The following STPG1 variants were observed in gnomAD, a reference collection of about 807,000 sequenced individuals.
STPG1 encodes the protein O(6)-methylguanine-induced apoptosis 2.
STPG1 carries 33 observed loss-of-function variants against 40.1 expected under a neutral mutation model. The ratio of observed to expected loss-of-function variants is 0.82; its 90% CI spans 0.62 to 1.10. The LOEUF (loss-of-function observed/expected upper bound fraction) is 1.10. STPG1 is among the 50% of genes least tolerant of loss of function. The pLI is 0.00. For missense variants in STPG1, 396 were observed against 415.1 expected (o/e 0.95, Z 0.40); for synonymous variants, 150 against 155.0 (o/e 0.97, Z 0.24).
At chr1:24,395,426 C>T (rs6658373) in intron 2 of STPG1, among the ~76,000 whole-genome samples, 6,684 of 135,354 alleles carry the variant, frequency 0.049, 503 homozygotes, top group African/African-American at 0.17. Context: ...ATAAATTGAA[C>T]AATTTTTTTT....
intron 2 of STPG1, among the ~76,000 whole-genome samples, chr1:24,397,329 G>A (rs1275490407): frequency 6.6e-6 from 1 of 152,094 alleles, no homozygotes; most frequent in Non-Finnish European, 1.5e-5. Context: ...TACCTAACCT[G>A]ACCTAATTGG....
intron 6 of STPG1, among the ~76,000 whole-genome samples, chr1:24,372,645 C>A (rs1641807637): frequency 6.6e-6 from 1 of 152,236 alleles, no homozygotes; most frequent in South Asian, 2.1e-4. Flanking sequence ...TGAACTGGGG[C>A]TGAGCCTCCT....
At position 24,357,144 on chromosome 1, in the gene STPG1, T is replaced by C. The variant is rs1355665805; in HGVS notation, c.*1399A>G. ...TGTTTCCTTTTGCCTCGGGTTCCCA[T>C]TAGGCTTGCCTGCCCCTGTGGGAGG... On this transcript the variant is annotated 3_prime_UTR_variant, in exon 9 of 9. Coordinates refer to ENST00000337248, the MANE Select transcript of STPG1 (RefSeq NM_001199013.2). The C allele has an allele frequency of 6.7e-6, 1 of 149,578 alleles. No individual in the cohort carries two copies. The highest frequency in any genetic ancestry group is 2.4e-5 in the African/African-American group (1 of 40,924). 9.3% of individuals were successfully genotyped at this position (149,578 alleles called of 1,614,324 possible).
intron 1 of STPG1, among the ~76,000 whole-genome samples, chr1:24,411,117 A>G (rs188178611): frequency 6.6e-6 from 1 of 152,348 alleles, no homozygotes; most frequent in East Asian, 1.9e-4. Flanking sequence ...GCACAGGGAT[A>G]TCGTATTAAC....
At chr1:24,392,060 T>A in intron 2 of STPG1, 1 of 999,258 alleles carries the variant, frequency 1.0e-6, no homozygotes, top group Non-Finnish European at 1.2e-6. Flanking sequence ...TCCTCACTGC[T>A]CCTTGGCCTA....
rs1641870029 is a variant in STPG1, at chr1:24,373,793, G to A, written c.480C>T (p.Cys160=). 1 of 1,608,894 alleles carries A rather than the reference G, an allele frequency of 6.2e-7. No homozygotes were observed. The highest frequency in any genetic ancestry group is 8.5e-7 in the Non-Finnish European group (1 of 1,175,580). ...GAGTACAGACGTTGTTTCTCTGCTTGCAGCAAGAGACAGAGGCCTAGGGGG... is the reference window on the plus strand; with the variant it reads ...GAGTACAGACGTTGTTTCTCTGCTTACAGCAAGAGACAGAGGCCTAGGGGG... ...PNYYNASVSC[C]KQRNNVCTRA... The change falls in exon 6 of 9, where the codon TGC becomes TGT. Residue 160 remains cysteine (C), a synonymous_variant. Transcript: ENST00000337248.
intron 7 of STPG1, among the ~76,000 whole-genome samples, chr1:24,367,178 G>T (rs1641512394): frequency 6.6e-6 from 1 of 152,204 alleles, no homozygotes; most frequent in South Asian, 2.1e-4. Context: ...GTTCCCAGAT[G>T]AGGTTGGCTG....
intron 7 of STPG1, among the ~76,000 whole-genome samples, chr1:24,363,126 C>G (rs911942565): frequency 2.6e-5 from 4 of 152,164 alleles, no homozygotes; most frequent in African/African-American, 9.7e-5. Flanking sequence ...GCCCAAGATT[C>G]CCACCCTGTT....
At chr1:24,396,624 G>A (rs1379709234) in intron 2 of STPG1, among the ~76,000 whole-genome samples, 1 of 152,210 alleles carries the variant, frequency 6.6e-6, no homozygotes, top group East Asian at 1.9e-4. Context: ...GAAATAGGCA[G>A]TGGGTCAGAT....
At chr1:24,385,696 G>A (rs1488961592) in intron 3 of STPG1, among the ~76,000 whole-genome samples, 1 of 152,150 alleles carries the variant, frequency 6.6e-6, no homozygotes, top group Non-Finnish European at 1.5e-5. Context: ...CACAGAGTCT[G>A]CTCTTAACCA....
intron 7 of STPG1, chr1:24,364,489 A>G (rs1641327610): frequency 1.4e-6 from 2 of 1,380,968 alleles, no homozygotes; most frequent in Admixed American, 3.4e-5. Context: ...AAAATGTTGC[A>G]TTTTCTATGG....
intron 3 of STPG1, among the ~76,000 whole-genome samples, chr1:24,386,707 C>T (rs1642520608): frequency 6.6e-6 from 1 of 152,124 alleles, no homozygotes; most frequent in Admixed American, 6.5e-5. Flanking sequence ...AAAAACAGTT[C>T]CTGCGACTGA....
At chr1:24,383,789 T>C (rs1642386484) in intron 4 of STPG1, 113 bp downstream of exon 4, 1 of 730,008 alleles carries the variant, frequency 1.4e-6, no homozygotes. Context: ...ACTCTCCTAA[T>C]TAGAACCATA....
In STPG1 at chr1:24,400,973, G is replaced by T. The variant is rs1040620760; in HGVS notation, c.70+346C>A. On this transcript the variant is annotated intron_variant, in intron 2 of 8. Coordinates refer to ENST00000337248, the MANE Select transcript of STPG1 (RefSeq NM_001199013.2). ...CAACAACCCAGCAGAATGGGGACTT[G>T]CAGTCATAACTCAAGTTGAGTTCTA... 3.0e-5 allele frequency: 6 copies of T among 202,764 alleles called. No homozygotes were observed. The Admixed American group carries it at 3.3e-4, about 11-fold the overall frequency. The allele number at this position is 202,764 out of a possible 1,614,324, so 12.6% of individuals were successfully genotyped here. A position where few individuals can be genotyped will look rare whatever the true frequency, so the allele number is the denominator to read the frequency against.
chr1:24,385,345 G>A (rs766596703), intron 3 of STPG1, among the ~76,000 whole-genome samples: 74 of 152,196 alleles, frequency 4.9e-4, no homozygotes, highest in Admixed American at 2.9e-3. Context: ...AATGATCCCC[G>A]GTGGACGGAA....
intron 5 of STPG1, among the ~76,000 whole-genome samples, chr1:24,374,969 C>A (rs1015014478): frequency 6.6e-6 from 1 of 152,178 alleles, no homozygotes. Flanking sequence ...TCCTACCCAT[C>A]CCCATCCTCA....
intron 2 of STPG1, among the ~76,000 whole-genome samples, chr1:24,393,385 G>A (rs762952326): frequency 2.6e-5 from 4 of 152,160 alleles, no homozygotes; most frequent in Non-Finnish European, 4.4e-5. Flanking sequence ...TATGTTTTTG[G>A]TTTGTTTGCT....
At chr1:24,384,124 C>T (rs1557448005) in intron 3 of STPG1, 121 bp from the exon 4 acceptor site, 1 of 630,530 alleles carries the variant, frequency 1.6e-6, no homozygotes, top group Non-Finnish European at 2.9e-6. Context: ...GCTACCACCA[C>T]TTGGTGGGTG....
In STPG1 at chr1:24,377,453, G is replaced by A. The variant is rs573691349; in HGVS notation, c.462+2200C>T. Among the ~76,000 whole-genome samples the A allele has an allele frequency of 5.9e-5, 9 of 152,042 alleles. No individual in the cohort carries two copies. In the East Asian group the frequency reaches 1.7e-3, roughly 29 times the overall value. On this transcript the variant is annotated intron_variant, in intron 5 of 8. Transcript: ENST00000337248. ...CCACTCAACCTTCCTGAAGGTCCTC[G>A]TGGGCTGGGCTCCTTGCTATACCAG...
Sources: gnomAD v4.1 joint callset for allele counts (sites outside exome capture counted in the v4.1 genomes callset) on GRCh38, gnomAD v4.1.1 for gene constraint, MANE v1.5 for transcripts, NCBI Gene and HGNC (gene_info 2026-07-23, HGNC 2026-07-21) for gene names.